SEMA6D: variants seen among roughly 807,000 people sequenced by gnomAD.
SEMA6D encodes the protein semaphorin-6D.
SEMA6D carries 35 observed loss-of-function variants against 106.6 expected under a neutral mutation model. The observed-to-expected ratio is 0.33, with a 90% CI of 0.25 to 0.44. The LOEUF (loss-of-function observed/expected upper bound fraction) is 0.44, where lower values mean the gene tolerates loss of function less well. SEMA6D is among the 20% of genes least tolerant of loss of function. The pLI, the probability that SEMA6D is intolerant of heterozygous loss-of-function variation, is 1.00. For missense variants in SEMA6D, 1,185 were observed against 1,345.9 expected, an observed-to-expected ratio of 0.88 and a Z score of 1.87; for synonymous variants, 499 against 487.7, an observed-to-expected ratio of 1.02 and a Z score of -0.31.
chr15:47,342,545 A>G (rs1402720892), intron 1 of SEMA6D, among the ~76,000 whole-genome samples: 6 of 152,186 alleles, frequency 3.9e-5, no homozygotes, highest in Non-Finnish European at 7.3e-5. Context: ...TTATTGTTTT[A>G]AAAATGTACT....
chr15:47,320,930 G>A (rs538063993), intron 1 of SEMA6D, among the ~76,000 whole-genome samples: 169 of 152,224 alleles, frequency 1.1e-3, no homozygotes, highest in African/African-American at 3.9e-3. Context: ...ATCAAGCACT[G>A]CCTGTTACCT....
chr15:47,379,438 G>C (rs2039562964), intron 1 of SEMA6D, among the ~76,000 whole-genome samples: 1 of 152,168 alleles, frequency 6.6e-6, no homozygotes, highest in East Asian at 1.9e-4. Flanking sequence ...ATTTGCCTTA[G>C]AAAAATGTGT....
At chr15:47,363,736 C>T (rs949365737) in intron 1 of SEMA6D, among the ~76,000 whole-genome samples, 3 of 152,018 alleles carry the variant, frequency 2.0e-5, no homozygotes, top group Non-Finnish European at 4.4e-5. Context: ...AAGTTGTATT[C>T]GTTTAGTTTC....
chr15:47,538,762 A>G (rs1206493342), intron 3 of SEMA6D, among the ~76,000 whole-genome samples: 4 of 152,190 alleles, frequency 2.6e-5, no homozygotes, highest in African/African-American at 9.6e-5. Flanking sequence ...GAATTTTCCA[A>G]CTGTCAAAAA....
intron 4 of SEMA6D, among the ~76,000 whole-genome samples, chr15:47,665,058 C>T (rs2077998403): frequency 1.3e-5 from 2 of 152,012 alleles, no homozygotes; most frequent in African/African-American, 4.8e-5. Flanking sequence ...ATTTCAGAGG[C>T]TCGTTATTCT....
chr15:47,236,963 T>C (rs2032584915), intron 1 of SEMA6D, among the ~76,000 whole-genome samples: 1 of 152,122 alleles, frequency 6.6e-6, no homozygotes, highest in Admixed American at 6.6e-5. Context: ...CAAGAGACAA[T>C]GACATTACAT....
chr15:47,727,177 T>G (rs550303623), intron 1 of SEMA6D, among the ~76,000 whole-genome samples: 37 of 152,274 alleles, frequency 2.4e-4, no homozygotes, highest in African/African-American at 8.9e-4. Context: ...TCATAAAAAT[T>G]TAAGCACACT....
intron 2 of SEMA6D, among the ~76,000 whole-genome samples, chr15:47,420,493 T>C (rs976130761): frequency 2.0e-5 from 3 of 152,024 alleles, no homozygotes; most frequent in Non-Finnish European, 4.4e-5. Context: ...TCCCCCTCTG[T>C]GCATGCTAGT....
intron 1 of SEMA6D, among the ~76,000 whole-genome samples, chr15:47,366,122 G>A (rs919830910): frequency 2.0e-5 from 3 of 152,022 alleles, no homozygotes; most frequent in East Asian, 3.9e-4. Context: ...ATAAAGATTC[G>A]GACTCAAATT....
chr15:47,676,263 G>A (rs190788537), intron 4 of SEMA6D, among the ~76,000 whole-genome samples: 68 of 152,244 alleles, frequency 4.5e-4, no homozygotes, highest in South Asian at 8.3e-4. Flanking sequence ...TTCCTGGTTA[G>A]ACCCTGCCTG....
chr15:47,505,207 AG>A (rs2044001106), intron 3 of SEMA6D, among the ~76,000 whole-genome samples: 1 of 152,174 alleles, frequency 6.6e-6, no homozygotes, highest in Non-Finnish European at 1.5e-5. Context: ...AGTTGGTCCC[AG>A]GCAGGATGTC....
intron 3 of SEMA6D, among the ~76,000 whole-genome samples, chr15:47,599,438 T>C (rs1474902627): frequency 1.8e-5 from 2 of 113,032 alleles, no homozygotes; most frequent in Non-Finnish European, 3.7e-5. Flanking sequence ...TGGGGAAAGG[T>C]CTGCCTTACG....
intron 1 of SEMA6D, among the ~76,000 whole-genome samples, chr15:47,405,305 G>A (rs1258411194): frequency 1.3e-5 from 2 of 152,108 alleles, no homozygotes; most frequent in Admixed American, 6.6e-5. Flanking sequence ...AGCTGGTGGG[G>A]AAGGATTTGG....
intron 3 of SEMA6D, among the ~76,000 whole-genome samples, chr15:47,510,349 C>G (rs1020768044): frequency 6.6e-6 from 1 of 152,162 alleles, no homozygotes; most frequent in Non-Finnish European, 1.5e-5. Flanking sequence ...CCCTGCCCCC[C>G]AGTTTATGGA....
intron 3 of SEMA6D, among the ~76,000 whole-genome samples, chr15:47,547,815 G>T (rs1315593221): frequency 6.6e-6 from 1 of 152,118 alleles, no homozygotes; most frequent in Non-Finnish European, 1.5e-5. Context: ...CTACCTACAT[G>T]AAAGTAATCA....
At position 47,207,991 on chromosome 15, in the gene SEMA6D, G is replaced by GCACACACACA. The variant is rs779884565; in HGVS notation, c.-239+23574_-239+23575insACACACACAC. On this transcript the variant is annotated intron_variant, in intron 1 of 19. Transcript: ENST00000558014. ...ACAGGTACAGTAGCCACTGGCGCGC[G>GCACACACACA]CGCACACACACACACACACACACAC... Among the ~76,000 whole-genome samples the GCACACACACA allele has an allele frequency of 2.3e-4, 28 of 122,984 alleles. 1 individual carries two copies. Among genetic ancestry groups the GCACACACACA allele is most frequent in the Admixed American group, 4.1e-4 (5 of 12,126 alleles). The allele number at this position is 122,984 out of a possible 152,430, so 80.7% of individuals were successfully genotyped here. A position where few individuals can be genotyped will look rare whatever the true frequency, so the allele number is the denominator to read the frequency against.
chr15:47,708,593 G>A (rs1193177227), intron 4 of SEMA6D, among the ~76,000 whole-genome samples: 1 of 152,176 alleles, frequency 6.6e-6, no homozygotes, highest in African/African-American at 2.4e-5. Flanking sequence ...CAGGTTGCGT[G>A]CTCTCTCACT....
intron 3 of SEMA6D, among the ~76,000 whole-genome samples, chr15:47,529,224 A>G (rs1596249850): frequency 6.6e-6 from 1 of 152,146 alleles, no homozygotes; most frequent in Non-Finnish European, 1.5e-5. Flanking sequence ...CCTCGTCTTC[A>G]TGTTGAGTAG....
At position 47,617,025 on chromosome 15, in the gene SEMA6D, C is replaced by T. The variant is rs1239806088; in HGVS notation, c.-55+16129C>T. On this transcript the variant is annotated intron_variant, in intron 4 of 19. Transcript: ENST00000558014. ...CAGGGCCAAGACTTGCAGCAGCAAACTTAGCTCCCAGGCATGATCGTTAGC... is the reference window on the plus strand; with the variant it reads ...CAGGGCCAAGACTTGCAGCAGCAAATTTAGCTCCCAGGCATGATCGTTAGC... 2.6e-5 allele frequency among the ~76,000 whole-genome samples: 4 copies of T among 152,186 alleles called. No individual in the cohort carries two copies. The South Asian group carries it at 8.3e-4, about 32-fold the overall frequency.
Sources: gnomAD v4.1 joint callset for allele counts (sites outside exome capture counted in the v4.1 genomes callset) on GRCh38, gnomAD v4.1.1 for gene constraint, MANE v1.5 for transcripts, NCBI Gene and HGNC (gene_info 2026-07-23, HGNC 2026-07-21) for gene names.